Variants in DLG2 observed in about 807,000 individuals in gnomAD.
The protein encoded by DLG2 is discs large MAGUK scaffold protein 2.
Under a neutral mutation model 132.5 loss-of-function variants are expected in DLG2, and 45 were observed. That is an observed-to-expected ratio of 0.34 (90% CI 0.27 to 0.44). The LOEUF (loss-of-function observed/expected upper bound fraction) is 0.44, where lower values mean the gene tolerates loss of function less well. Among genes scored for constraint, DLG2 ranks in the 20% least tolerant of loss-of-function variants. The pLI, the probability that DLG2 is intolerant of heterozygous loss-of-function variation, is 1.00. For missense variants in DLG2, 1,045 were observed against 1,196.9 expected (o/e 0.87, Z 1.87); for synonymous variants, 424 against 419.6 (o/e 1.01, Z -0.13).
intron 6 of DLG2, among the ~76,000 whole-genome samples, chr11:84,766,890 G>A (rs776842063): frequency 6.6e-6 from 1 of 151,976 alleles, no homozygotes; most frequent in East Asian, 1.9e-4. Context: ...AAGTATCAAT[G>A]GCTTACTTTT....
At chr11:83,651,543 T>A in intron 18 of DLG2, 1 of 172,716 alleles carries the variant, frequency 5.8e-6, no homozygotes, top group Non-Finnish European at 1.3e-5. Context: ...CTGAGTTAAT[T>A]TAGGACAACT....
At chr11:83,841,245 T>C (rs2057454874) in intron 16 of DLG2, among the ~76,000 whole-genome samples, 1 of 152,196 alleles carries the variant, frequency 6.6e-6, no homozygotes, top group Non-Finnish European at 1.5e-5. Context: ...ATAAACACAA[T>C]TTATAAATAA....
At chr11:85,005,418 A>G (rs1310117159) in intron 6 of DLG2, among the ~76,000 whole-genome samples, 1 of 152,164 alleles carries the variant, frequency 6.6e-6, no homozygotes. Context: ...AGTGGTATGT[A>G]GTTCTCCTTG....
At chr11:84,443,315 A>T (rs185735366) in intron 7 of DLG2, among the ~76,000 whole-genome samples, 20 of 147,250 alleles carry the variant, frequency 1.4e-4, no homozygotes, top group African/African-American at 5.2e-4. Flanking sequence ...GTTCTTCATA[A>T]TATAGGTAAA....
chr11:84,447,549 A>G (rs1434601845), intron 7 of DLG2, among the ~76,000 whole-genome samples: 9 of 152,198 alleles, frequency 5.9e-5, no homozygotes, highest in Non-Finnish European at 8.8e-5. Context: ...GCAAACTTGT[A>G]AAAATATTTC....
chr11:84,294,131 G>A (rs1013255647), intron 7 of DLG2, among the ~76,000 whole-genome samples: 1 of 152,186 alleles, frequency 6.6e-6, no homozygotes, highest in Non-Finnish European at 1.5e-5. Flanking sequence ...AGCAAGACTG[G>A]AAATTGCAGC....
At chr11:85,515,826 A>G (rs1490118777) in intron 3 of DLG2, among the ~76,000 whole-genome samples, 2 of 152,008 alleles carry the variant, frequency 1.3e-5, no homozygotes, top group Non-Finnish European at 2.9e-5. Flanking sequence ...GGATTTGAAG[A>G]TCTGGTTTGT....
At chr11:85,122,949 T>TTATATATATATATATATTATATATA (rs1555376286) in intron 5 of DLG2, among the ~76,000 whole-genome samples, 2 of 48,166 alleles carry the variant, frequency 4.2e-5, no homozygotes, top group Non-Finnish European at 7.0e-5. Flanking sequence ...TGTATATATA[T>TTATATATATATATATATTATATATA]TATATATATA....
At chr11:85,074,518 C>T (rs2066275212) in intron 6 of DLG2, among the ~76,000 whole-genome samples, 1 of 151,826 alleles carries the variant, frequency 6.6e-6, no homozygotes, top group Non-Finnish European at 1.5e-5. Context: ...TAGCTGGGAA[C>T]ATACCTTCTA....
intron 21 of DLG2, among the ~76,000 whole-genome samples, chr11:83,524,763 G>T (rs74615544): frequency 0.05 from 7,598 of 152,116 alleles, 219 homozygotes; most frequent in South Asian, 0.13. Context: ...GCTTCCCTGA[G>T]CACACCGGGC....
At chr11:84,644,477 C>T (rs1011302449) in intron 6 of DLG2, among the ~76,000 whole-genome samples, 16 of 151,814 alleles carry the variant, frequency 1.1e-4, no homozygotes, top group South Asian at 4.2e-4. Context: ...GGGACAGAGG[C>T]GGGCGAGTCA....
At chr11:85,538,263 T>C (rs1189836636) in intron 3 of DLG2, among the ~76,000 whole-genome samples, 2 of 151,952 alleles carry the variant, frequency 1.3e-5, no homozygotes, top group Non-Finnish European at 2.9e-5. Flanking sequence ...CCTAGAAACG[T>C]TACTGTAACC....
intron 4 of DLG2, among the ~76,000 whole-genome samples, chr11:85,271,748 C>T (rs2077545137): frequency 6.6e-6 from 1 of 152,190 alleles, no homozygotes; most frequent in Non-Finnish European, 1.5e-5. Flanking sequence ...GCCTTCAGCC[C>T]CTTTCTTTGG....
chr11:85,087,860 A>AAAAAAAAAAAAAG (rs1566822706), intron 6 of DLG2, among the ~76,000 whole-genome samples: 1 of 147,676 alleles, frequency 6.8e-6, no homozygotes, highest in African/African-American at 2.5e-5. Context: ...AAAAAAAAAA[A>AAAAAAAAAAAAAG]AAAAAAAAAC....
At chr11:85,205,572 G>A (rs2081829951) in intron 4 of DLG2, among the ~76,000 whole-genome samples, 1 of 152,186 alleles carries the variant, frequency 6.6e-6, no homozygotes, top group Non-Finnish European at 1.5e-5. Context: ...ACAGATAAAT[G>A]TTTGGGGTGA....
At chr11:84,041,304 C>T (rs146731176) in intron 11 of DLG2, among the ~76,000 whole-genome samples, 126 of 151,812 alleles carry the variant, frequency 8.3e-4, no homozygotes, top group African/African-American at 3.0e-3. Flanking sequence ...AGGATAAATT[C>T]CTAGAAGTAG....
chr11:85,253,808 A>G (rs991406323), intron 4 of DLG2, among the ~76,000 whole-genome samples: 1 of 151,998 alleles, frequency 6.6e-6, no homozygotes, highest in Non-Finnish European at 1.5e-5. Context: ...GTGAGAAGGG[A>G]AAAAAATGCC....
At chr11:83,895,145 C>CTTTTTTTTT (rs11287512) in intron 15 of DLG2, among the ~76,000 whole-genome samples, 1 of 87,898 alleles carries the variant, frequency 1.1e-5, no homozygotes, top group Admixed American at 1.4e-4. Flanking sequence ...GAACTACTGT[C>CTTTTTTTTT]TTTTTTTTTT....
At chr11:84,221,264 G>C (rs1263128837) in intron 8 of DLG2, among the ~76,000 whole-genome samples, 2 of 152,114 alleles carry the variant, frequency 1.3e-5, no homozygotes, top group Middle Eastern at 3.4e-3. Flanking sequence ...AGGAGTTCAA[G>C]ACCAGCCTGG....
Sources: allele counts gnomAD v4.1 joint callset (sites outside exome capture counted in the v4.1 genomes callset), GRCh38; gene constraint gnomAD v4.1.1; transcripts MANE v1.5; gene names NCBI Gene and HGNC (gene_info 2026-07-23, HGNC 2026-07-21).